The following PPP2R2B variants were observed in gnomAD, a reference collection of about 807,000 sequenced individuals.
PPP2R2B encodes serine/threonine-protein phosphatase 2A 55 kDa regulatory subunit B beta isoform.
In PPP2R2B, 5 loss-of-function variants were observed where a neutral mutation model predicts 46.0. The ratio of observed to expected loss-of-function variants is 0.11; its 90% CI spans 0.06 to 0.23. The LOEUF is 0.23. Ranked by LOEUF, PPP2R2B falls within the 10% of genes least tolerant of loss-of-function variation. The pLI, the probability that PPP2R2B is intolerant of heterozygous loss-of-function variation, is 1.00. For missense variants in PPP2R2B, 367 were observed against 575.0 expected (o/e 0.64, Z 3.70); for synonymous variants, 215 against 206.7 (o/e 1.04, Z -0.34).
chr5:146,756,139 T>C (rs922387803), intron 2 of PPP2R2B, among the ~76,000 whole-genome samples: 1 of 152,186 alleles, frequency 6.6e-6, no homozygotes, highest in African/African-American at 2.4e-5. Flanking sequence ...GTAGATTTAG[T>C]ACTTCTGAAA....
chr5:147,078,444 T>C (rs1757860389), intron 2 of PPP2R2B, among the ~76,000 whole-genome samples: 1 of 152,216 alleles, frequency 6.6e-6, no homozygotes, highest in African/African-American at 2.4e-5. Context: ...AGACTTGTGG[T>C]GCCCAAAGCC....
At chr5:146,849,159 GT>G (rs1314180362) in intron 2 of PPP2R2B, among the ~76,000 whole-genome samples, 1 of 152,032 alleles carries the variant, frequency 6.6e-6, no homozygotes, top group Non-Finnish European at 1.5e-5. Flanking sequence ...TTAAAGAATG[GT>G]TTTAGAAATC....
intron 2 of PPP2R2B, among the ~76,000 whole-genome samples, chr5:146,742,713 G>A (rs1444224597): frequency 1.3e-5 from 2 of 152,178 alleles, no homozygotes; most frequent in East Asian, 3.9e-4. Context: ...CCAATATCTC[G>A]GAATGTGACT....
At chr5:146,842,648 C>T (rs1759733558) in intron 2 of PPP2R2B, among the ~76,000 whole-genome samples, 2 of 152,056 alleles carry the variant, frequency 1.3e-5, no homozygotes, top group South Asian at 2.1e-4. Context: ...TTTTACCTCT[C>T]CTCCTCTGGT....
At chr5:147,014,686 T>C (rs984165145) in intron 1 of PPP2R2B, among the ~76,000 whole-genome samples, 54 of 134,470 alleles carry the variant, frequency 4.0e-4, no homozygotes, top group African/African-American at 1.5e-3. Context: ...AATTGAACAA[T>C]GAGAACACAT....
At chr5:146,796,116 A>G (rs1756519680) in intron 2 of PPP2R2B, among the ~76,000 whole-genome samples, 1 of 152,200 alleles carries the variant, frequency 6.6e-6, no homozygotes. Context: ...GTACACCAAC[A>G]GAAAACACCC....
chr5:146,688,575 C>T (rs368119736), intron 5 of PPP2R2B, among the ~76,000 whole-genome samples: 2 of 151,952 alleles, frequency 1.3e-5, no homozygotes, highest in Admixed American at 1.3e-4. Context: ...AAGCAAGAAC[C>T]AGAGTTGGAA....
chr5:146,769,540 G>A (rs1754711260), intron 2 of PPP2R2B, among the ~76,000 whole-genome samples: 2 of 152,186 alleles, frequency 1.3e-5, no homozygotes, highest in Non-Finnish European at 2.9e-5. Flanking sequence ...CATTGTTGAG[G>A]TACAAGACAA....
intron 2 of PPP2R2B, among the ~76,000 whole-genome samples, chr5:146,731,968 C>T (rs1752257693): frequency 6.6e-6 from 1 of 152,116 alleles, no homozygotes; most frequent in Admixed American, 6.5e-5. Context: ...AAATATCTCC[C>T]ACTAACTTGA....
chr5:146,791,747 TA>T (rs1756214444), intron 2 of PPP2R2B, among the ~76,000 whole-genome samples: 1 of 152,192 alleles, frequency 6.6e-6, no homozygotes, highest in Admixed American at 6.5e-5. Context: ...TATGCTACCA[TA>T]TTTAATTTAA....
At chr5:146,937,314 A>AG (rs1764185007) in intron 1 of PPP2R2B, among the ~76,000 whole-genome samples, 1 of 151,660 alleles carries the variant, frequency 6.6e-6, no homozygotes, top group African/African-American at 2.4e-5. Flanking sequence ...AAAAAAAAAA[A>AG]AGGGGGGTTA....
intron 1 of PPP2R2B, among the ~76,000 whole-genome samples, chr5:146,956,985 G>T (rs988671530): frequency 6.6e-6 from 1 of 152,166 alleles, no homozygotes; most frequent in Admixed American, 6.6e-5. Flanking sequence ...TGGGGGTTAA[G>T]ATTTCAGCAT....
intron 2 of PPP2R2B, chr5:146,706,469 G>A: frequency 2.6e-6 from 3 of 1,137,630 alleles, no homozygotes; most frequent in East Asian, 3.0e-5. Flanking sequence ...TGGCGATCTC[G>A]ATGTCCAGGG....
At position 146,765,506 on chromosome 5, in the gene PPP2R2B, G is replaced by A. The variant is rs192937616; in HGVS notation, c.71-64364C>T. On this transcript the variant is annotated intron_variant, in intron 2 of 9. Transcript: ENST00000394411. ...CATAAACCACATATTATGAGAAGTG[G>A]CCAAAACCCTTTGTGTTAGCATCTG... Among the ~76,000 whole-genome samples the A allele has an allele frequency of 1.6e-4, 24 of 152,304 alleles. No individual in the cohort carries two copies. The South Asian group carries it at 1.9e-3, about 12-fold the overall frequency.
intron 2 of PPP2R2B, among the ~76,000 whole-genome samples, chr5:146,857,411 T>C (rs1760737903): frequency 6.6e-6 from 1 of 152,234 alleles, no homozygotes. Context: ...TAGTCCATTA[T>C]TGTTAATTTT....
At chr5:146,649,266 G>T (rs1222184808) in intron 6 of PPP2R2B, among the ~76,000 whole-genome samples, 1 of 152,170 alleles carries the variant, frequency 6.6e-6, no homozygotes, top group Non-Finnish European at 1.5e-5. Flanking sequence ...TCAGTTACCT[G>T]AGTTGTTCAG....
chr5:146,617,995 C>G (rs1237334367), intron 7 of PPP2R2B, among the ~76,000 whole-genome samples: 1 of 152,142 alleles, frequency 6.6e-6, no homozygotes, highest in Non-Finnish European at 1.5e-5. Flanking sequence ...TGCCAGCCAT[C>G]TCTTGCTCAA....
At chr5:147,050,542 A>T in intron 1 of PPP2R2B, among the ~76,000 whole-genome samples, 1 of 152,182 alleles carries the variant, frequency 6.6e-6, no homozygotes, top group East Asian at 1.9e-4. Context: ...ACTAGACTGC[A>T]TGGGTTCTAA....
intron 7 of PPP2R2B, among the ~76,000 whole-genome samples, chr5:146,631,017 T>C (rs1478525941): frequency 6.6e-6 from 1 of 152,210 alleles, no homozygotes; most frequent in Non-Finnish European, 1.5e-5. Context: ...TCCCCTGTTT[T>C]GACCCAGTCC....
Sources: gnomAD v4.1 joint callset for allele counts (sites outside exome capture counted in the v4.1 genomes callset) on GRCh38, gnomAD v4.1.1 for gene constraint, MANE v1.5 for transcripts, NCBI Gene and HGNC (gene_info 2026-07-23, HGNC 2026-07-21) for gene names.